The following CDC16 variants were observed in gnomAD, a reference collection of about 807,000 sequenced individuals.
The protein encoded by CDC16 is cell division cycle protein 16 homolog.
A neutral mutation model predicts 87.0 loss-of-function variants in CDC16; 34 were observed. The ratio of observed to expected loss-of-function variants is 0.39; its 90% CI spans 0.30 to 0.52. The LOEUF is 0.52. Among genes scored for constraint, CDC16 ranks in the 20% least tolerant of loss-of-function variants. The pLI is 0.74. For synonymous variants in CDC16, 263 were observed against 260.6 expected, an observed-to-expected ratio of 1.01 and a Z score of -0.09; for missense variants, 653 against 751.9, an observed-to-expected ratio of 0.87 and a Z score of 1.54.
At chr13:114,238,880 G>A (rs926550143) in intron 3 of CDC16, 110 bp from the exon 4 acceptor site, 4 of 1,381,076 alleles carry the variant, frequency 2.9e-6, no homozygotes, top group Middle Eastern at 2.5e-4. Context: ...AACTGCAAGA[G>A]TAAAAGGAGA....
chr13:114,270,270 GA>G (rs927719334), intron 17 of CDC16, among the ~76,000 whole-genome samples: 1 of 152,044 alleles, frequency 6.6e-6, no homozygotes, highest in Non-Finnish European at 1.5e-5. Context: ...GACATATCCG[GA>G]ACAGGAGGGA....
At position 114,272,498 on chromosome 13, in the gene CDC16, A is replaced by C; in HGVS notation, c.*55A>C. 1 of 1,485,918 alleles carries C rather than the reference A, an allele frequency of 6.7e-7. No homozygotes were observed. Among genetic ancestry groups the C allele is most frequent in the Non-Finnish European group, 9.3e-7 (1 of 1,080,804 alleles). The allele number at this position is 1,485,918 out of a possible 1,614,324, so 92.0% of individuals were successfully genotyped here. ...CCAGTGTAGGTTAGTATTCCTTCACATCCTCTCCATGGCTTAAGAATGTCC... is the reference window on the plus strand; with the variant it reads ...CCAGTGTAGGTTAGTATTCCTTCACCTCCTCTCCATGGCTTAAGAATGTCC... On this transcript the variant is annotated 3_prime_UTR_variant, in exon 18 of 18. Transcript: ENST00000356221.
rs139976941 is a variant in CDC16 at position 114,270,617 on chromosome 13, G to A, written c.1604-1567G>A. 1.2e-4 allele frequency among the ~76,000 whole-genome samples: 18 copies of A among 152,346 alleles called. No homozygotes were observed. In the East Asian group the frequency reaches 1.5e-3, roughly 13 times the overall value. The stretch of plus-strand genomic sequence containing the variant: ...TGCATGTGTTCTGTGCCATTCTGGC[G>A]GTAGTCATCTGGGATGCATGTACAT... On this transcript the variant is annotated intron_variant, in intron 17 of 17. Coordinates refer to ENST00000356221, the MANE Select transcript of CDC16 (RefSeq NM_001078645.3).
intron 17 of CDC16, among the ~76,000 whole-genome samples, chr13:114,270,207 G>A (rs909752817): frequency 6.6e-6 from 1 of 152,094 alleles, no homozygotes; most frequent in Admixed American, 6.6e-5. Context: ...CTTCCGGGGA[G>A]GCCTCAGGAA....
In CDC16 at chr13:114,239,608, T is replaced by G. The variant is rs573206234; in HGVS notation, c.381+118T>G. ...TATTAAAACAATTGTGGTTGCCAAT[T>G]TATTTAATTTGCCCACCAAAACCAA... On this transcript the variant is annotated intron_variant, in intron 5 of 17. Coordinates refer to ENST00000356221, the MANE Select transcript of CDC16 (RefSeq NM_001078645.3). 7.9e-5 allele frequency: 100 copies of G among 1,266,514 alleles called. No individual in the cohort carries two copies. The South Asian group carries it at 2.8e-3, about 36-fold the overall frequency. 78.5% of individuals were successfully genotyped at this position (1,266,514 alleles called of 1,614,324 possible).
At chr13:114,268,074 C>A (rs1594693681) in intron 17 of CDC16, among the ~76,000 whole-genome samples, 1 of 152,158 alleles carries the variant, frequency 6.6e-6, no homozygotes, top group African/African-American at 2.4e-5. Flanking sequence ...CAGCCAGAGA[C>A]CTGCAGTTGC....
chr13:114,243,774 A>T, intron 7 of CDC16, 82 bp from the exon 8 acceptor site: 1 of 1,195,048 alleles, frequency 8.4e-7, no homozygotes, highest in Non-Finnish European at 1.2e-6. Flanking sequence ...TGTTTTAACC[A>T]CTTGGGCCAA....
At chr13:114,269,907 T>C (rs1207039249) in intron 17 of CDC16, among the ~76,000 whole-genome samples, 3 of 152,178 alleles carry the variant, frequency 2.0e-5, no homozygotes, top group Non-Finnish European at 2.9e-5. Flanking sequence ...GGTTTCACCA[T>C]GTTGGCCAGG....
In CDC16 at chr13:114,242,116, A is replaced by G. The variant is rs1183227414; in HGVS notation, c.382-5A>G. ...TTAATATGTGACTCATCATTTTTCC[A>G]ACAGATAAAGAGTTCTATCTGTCTT... On this transcript the variant is annotated splice_polypyrimidine_tract_variant and splice_region_variant and intron_variant, in intron 5 of 17. Transcript: ENST00000356221. 2 of 1,587,928 alleles carry G rather than the reference A, an allele frequency of 1.3e-6. No homozygotes were observed. The highest frequency in any genetic ancestry group is 2.3e-5 in the South Asian group (2 of 86,152).
At position 114,262,966 on chromosome 13, in the gene CDC16, C is replaced by T. The variant is rs1295707299; in HGVS notation, c.1464C>T (p.Ile488=). ...NASTYSAIGY[I]HSLMGNFENA... ...CCACCTACTCTGCTATTGGATATAT[C>T]CACAGTCTGATGGGCAACTTTGAAA... The change falls in exon 16 of 18, where the codon ATC becomes ATT. Residue 488 remains isoleucine (I), a synonymous_variant. Transcript: ENST00000356221. 1.8e-5 allele frequency: 29 copies of T among 1,613,590 alleles called. No individual in the cohort carries two copies. Among genetic ancestry groups the T allele is most frequent in the Non-Finnish European group, 2.4e-5 (28 of 1,179,598 alleles).
At chr13:114,261,567 C>G (rs879881211) in intron 14 of CDC16, among the ~76,000 whole-genome samples, 3 of 151,872 alleles carry the variant, frequency 2.0e-5, no homozygotes, top group Non-Finnish European at 4.4e-5. Flanking sequence ...GTAACATTTA[C>G]AAGCAGAAGT....
intron 17 of CDC16, among the ~76,000 whole-genome samples, chr13:114,270,202 G>A (rs1301221155): frequency 1.3e-5 from 2 of 152,066 alleles, no homozygotes; most frequent in African/African-American, 4.8e-5. Flanking sequence ...CTTGGCTTCC[G>A]GGGAGGCCTC....
intron 17 of CDC16, among the ~76,000 whole-genome samples, chr13:114,270,341 A>G (rs544115552): frequency 4.6e-5 from 7 of 152,314 alleles, no homozygotes; most frequent in Non-Finnish European, 7.3e-5. Flanking sequence ...TCACGAGAAC[A>G]GCACCAAGAG....
chr13:114,236,841 T>A lies in CDC16; in HGVS notation c.146T>A (p.Leu49Gln). The stretch of plus-strand genomic sequence containing the variant: ...TATTGGTTGGCTCAGTGTCTTTACC[T>A]GACAGCACAATATCACAGAGCCGCC... The part of the protein sequence containing the change: ...DIYWLAQCLY[L>Q]TAQYHRAAHA... Residue 49 changes from leucine to glutamine, a missense_variant, in exon 3 of 18, where the codon CTG becomes CAG. Leu to Gln is a moderately radical substitution (Grantham distance 113). Coordinates refer to ENST00000356221, the MANE Select transcript of CDC16 (RefSeq NM_001078645.3). 6.2e-7 allele frequency: 1 copy of A among 1,611,614 alleles called. No individual in the cohort carries two copies.
At chr13:114,252,500 G>A (rs1259321616) in intron 12 of CDC16, among the ~76,000 whole-genome samples, 1 of 152,048 alleles carries the variant, frequency 6.6e-6, no homozygotes, top group Non-Finnish European at 1.5e-5. Flanking sequence ...ACCCAGTTAT[G>A]GATCCACCTA....
intron 6 of CDC16, among the ~76,000 whole-genome samples, 191 bp from the exon 7 acceptor site, chr13:114,243,066 C>T (rs1286504345): frequency 6.6e-6 from 1 of 152,180 alleles, no homozygotes; most frequent in East Asian, 1.9e-4. Flanking sequence ...GAGTAGCCTC[C>T]ACCCACCAGA....
chr13:114,243,267 T>A lies in CDC16; in HGVS notation c.552T>A (p.Leu184=), dbSNP rs1207928182. The A allele has an allele frequency of 3.3e-6, 5 of 1,511,416 alleles. No homozygotes were observed. In the South Asian group the frequency reaches 4.5e-5, roughly 14 times the overall value. The allele number at this position is 1,511,416 out of a possible 1,614,324, so 93.6% of individuals were successfully genotyped here. A position where few individuals can be genotyped will look rare whatever the true frequency, so the allele number is the denominator to read the frequency against. The part of the protein sequence containing the change: ...HMLTAQEEKE[L]LESLPLSKLC... ...CTCACCATTTTTAAGAAAAAGAACT[T>A]CTTGAATCACTACCCCTTAGCAAGC... is the stretch of plus-strand genomic sequence containing the variant. The change falls in exon 7 of 18, where the codon CTT becomes CTA. Residue 184 remains leucine, a synonymous_variant. Transcript: ENST00000356221.
intron 11 of CDC16, among the ~76,000 whole-genome samples, chr13:114,250,105 T>C (rs1251035485): frequency 6.6e-6 from 1 of 152,188 alleles, no homozygotes. Context: ...GAAGGATTAC[T>C]TGAGCCCAGG....
chr13:114,269,316 C>T (rs369182472), intron 17 of CDC16, among the ~76,000 whole-genome samples: 12 of 152,308 alleles, frequency 7.9e-5, no homozygotes, highest in South Asian at 4.1e-4. Context: ...AGTTGCACAA[C>T]ATCACTTCCG....
Sources: gnomAD v4.1 joint callset for allele counts (sites outside exome capture counted in the v4.1 genomes callset) on GRCh38, gnomAD v4.1.1 for gene constraint, MANE v1.5 for transcripts, NCBI Gene and HGNC (gene_info 2026-07-23, HGNC 2026-07-21) for gene names.